Variants in ENOX1 observed in about 807,000 individuals in gnomAD.
The protein encoded by ENOX1 is ecto-NOX disulfide-thiol exchanger 1.
ENOX1 carries 42 observed loss-of-function variants against 82.5 expected under a neutral mutation model. The observed-to-expected ratio is 0.51, with a 90% CI of 0.40 to 0.66. ENOX1 has a LOEUF of 0.66. Ranked by LOEUF, ENOX1 falls within the 30% of genes least tolerant of loss-of-function variation. The pLI is 0.00. For synonymous variants in ENOX1, 271 were observed against 282.2 expected (o/e 0.96, Z 0.40); for missense variants, 608 against 811.6 (o/e 0.75, Z 3.05).
At chr13:43,637,544 CTGTCCTTCCTAGTTGCAGATACT>C (rs2083461264) in intron 2 of ENOX1, among the ~76,000 whole-genome samples, 1 of 152,024 alleles carries the variant, frequency 6.6e-6, no homozygotes, top group South Asian at 2.1e-4. Flanking sequence ...GGTCTCCTCT[CTGTCCTTCCTAGTTGCAGATACT>C]GATACAGCAG....
chr13:43,290,577 C>T (rs117250527), intron 12 of ENOX1, among the ~76,000 whole-genome samples: 1,901 of 152,190 alleles, frequency 0.012, 19 homozygotes, highest in Non-Finnish European at 0.02. Context: ...AATATGGGAG[C>T]GACAGACACT....
chr13:43,374,390 T>C (rs1338242428), intron 5 of ENOX1, among the ~76,000 whole-genome samples: 2 of 151,584 alleles, frequency 1.3e-5, no homozygotes, highest in Non-Finnish European at 2.9e-5. Flanking sequence ...GGACTACAGG[T>C]GTGTGCCACC....
intron 5 of ENOX1, among the ~76,000 whole-genome samples, chr13:43,388,762 G>A (rs531806893): frequency 2.3e-3 from 347 of 152,300 alleles, no homozygotes; most frequent in Non-Finnish European, 4.5e-3. Context: ...TGGGACTTGA[G>A]GCTGCCCTTG....
At chr13:43,232,084 C>A (rs1428698061) in intron 15 of ENOX1, among the ~76,000 whole-genome samples, 1 of 145,324 alleles carries the variant, frequency 6.9e-6, no homozygotes, top group Non-Finnish European at 1.5e-5. Context: ...TGCCACCATG[C>A]CCAGCTAACT....
chr13:43,321,127 G>A lies in ENOX1; in HGVS notation c.1261+1257C>T, dbSNP rs79877296. The A allele has an allele frequency of 4.2e-3, 1,922 of 456,260 alleles. 47 individuals are homozygous for A. Among genetic ancestry groups the A allele is most frequent in the African/African-American group, 0.034 (1,704 of 50,184 alleles). The allele number at this position is 456,260 out of a possible 1,614,324, so 28.3% of individuals were successfully genotyped here. A position where few individuals can be genotyped will look rare whatever the true frequency, so the allele number is the denominator to read the frequency against. On this transcript the variant is annotated intron_variant, in intron 11 of 16. Transcript: ENST00000690772. Reference sequence around the variant, plus strand: ...GAAAGATTAAAATGAATGAATTTGAGGGTGAAAGGGAAAGTTTCTAAGGCA... The same window carrying A: ...GAAAGATTAAAATGAATGAATTTGAAGGTGAAAGGGAAAGTTTCTAAGGCA...
intron 2 of ENOX1, among the ~76,000 whole-genome samples, chr13:43,508,068 T>C (rs1435356844): frequency 6.6e-6 from 1 of 151,250 alleles, no homozygotes; most frequent in Non-Finnish European, 1.5e-5. Flanking sequence ...AAGGGAGGAG[T>C]TATAGAAAGA....
At chr13:43,384,553 C>T (rs898735191) in intron 5 of ENOX1, among the ~76,000 whole-genome samples, 1 of 152,274 alleles carries the variant, frequency 6.6e-6, no homozygotes, top group Non-Finnish European at 1.5e-5. Context: ...AATAATTTCC[C>T]TCAGTTCACG....
chr13:43,617,493 T>C (rs951658182), intron 2 of ENOX1, among the ~76,000 whole-genome samples: 1 of 152,238 alleles, frequency 6.6e-6, no homozygotes, highest in Non-Finnish European at 1.5e-5. Flanking sequence ...GCTTACTTTT[T>C]AAACTTTTAA....
chr13:43,534,801 G>C (rs2078381106), intron 2 of ENOX1, among the ~76,000 whole-genome samples: 1 of 152,166 alleles, frequency 6.6e-6, no homozygotes, highest in Non-Finnish European at 1.5e-5. Context: ...CTAGTAAGCA[G>C]AAGTTAGGGG....
At chr13:43,552,035 T>C (rs763289938) in intron 2 of ENOX1, among the ~76,000 whole-genome samples, 1 of 152,134 alleles carries the variant, frequency 6.6e-6, no homozygotes, top group Non-Finnish European at 1.5e-5. Flanking sequence ...GTCTGAGTCA[T>C]CTCCAACCTC....
chr13:43,218,333 A>G (rs1366777660), intron 16 of ENOX1, among the ~76,000 whole-genome samples: 2 of 152,224 alleles, frequency 1.3e-5, no homozygotes, highest in Non-Finnish European at 2.9e-5. Context: ...TCCATTTAAT[A>G]AGGCTCTCAG....
intron 2 of ENOX1, among the ~76,000 whole-genome samples, chr13:43,491,154 G>T (rs2076604649): frequency 6.6e-6 from 1 of 152,134 alleles, no homozygotes; most frequent in Non-Finnish European, 1.5e-5. Context: ...ATCACATGAT[G>T]ACAGCAGGGG....
intron 5 of ENOX1, among the ~76,000 whole-genome samples, chr13:43,390,962 T>G (rs1272436147): frequency 1.3e-5 from 2 of 152,186 alleles, no homozygotes; most frequent in Non-Finnish European, 2.9e-5. Flanking sequence ...CGAATCCCTT[T>G]TCTTTGTGCA....
intron 2 of ENOX1, among the ~76,000 whole-genome samples, chr13:43,653,313 C>T (rs1166219416): frequency 1.3e-5 from 2 of 152,306 alleles, no homozygotes; most frequent in South Asian, 2.1e-4. Context: ...AACATTCTAA[C>T]CTTTAGCATT....
At chr13:43,703,610 T>C (rs2087049069) in intron 1 of ENOX1, among the ~76,000 whole-genome samples, 1 of 152,236 alleles carries the variant, frequency 6.6e-6, no homozygotes. Context: ...GAGTAGATTT[T>C]ATTCAGTAGA....
intron 12 of ENOX1, among the ~76,000 whole-genome samples, chr13:43,277,411 C>T (rs1243213690): frequency 6.6e-6 from 1 of 152,190 alleles, no homozygotes; most frequent in African/African-American, 2.4e-5. Flanking sequence ...GGGTTGATCT[C>T]TGAGAGGTCA....
chr13:43,514,659 C>T (rs377137086), intron 2 of ENOX1, among the ~76,000 whole-genome samples: 8 of 152,090 alleles, frequency 5.3e-5, no homozygotes, highest in East Asian at 1.9e-4. Flanking sequence ...TTGTCTAAAG[C>T]GATATGGCAA....
At chr13:43,367,532 A>G (rs868594336) in intron 5 of ENOX1, among the ~76,000 whole-genome samples, 52 of 152,328 alleles carry the variant, frequency 3.4e-4, no homozygotes, top group Admixed American at 1.3e-3. Context: ...ATCACCCAGG[A>G]TAGCCGGCAA....
chr13:43,660,468 A>G (rs961181578), intron 2 of ENOX1, among the ~76,000 whole-genome samples: 2 of 152,246 alleles, frequency 1.3e-5, no homozygotes, highest in African/African-American at 4.8e-5. Context: ...CCAAGGCCCA[A>G]CATTCAAGAG....
Sources: gnomAD v4.1 joint callset for allele counts (sites outside exome capture counted in the v4.1 genomes callset) on GRCh38, gnomAD v4.1.1 for gene constraint, MANE v1.5 for transcripts, NCBI Gene and HGNC (gene_info 2026-07-23, HGNC 2026-07-21) for gene names.